The following RBM38 variants were observed in gnomAD, a reference collection of about 807,000 sequenced individuals.
RBM38 encodes the protein RNA-binding protein 38.
RBM38 carries 11 observed loss-of-function variants against 23.5 expected under a neutral mutation model. That is an observed-to-expected ratio of 0.47 (90% CI 0.29 to 0.77). The LOEUF (loss-of-function observed/expected upper bound fraction) is 0.77, where lower values mean the gene tolerates loss of function less well. Among genes scored for constraint, RBM38 ranks in the 30% least tolerant of loss-of-function variants. The probability of loss-of-function intolerance (pLI) is 0.08; values close to 1 mark genes in which losing one functional copy is unlikely to be tolerated. For missense variants in RBM38, 330 were observed against 351.9 expected, an observed-to-expected ratio of 0.94 and a Z score of 0.50; for synonymous variants, 165 against 166.1, an observed-to-expected ratio of 0.99 and a Z score of 0.05.
chr20:57,398,771 G>A (rs2067300098), intron 3 of RBM38, among the ~76,000 whole-genome samples: 1 of 152,236 alleles, frequency 6.6e-6, no homozygotes, highest in Non-Finnish European at 1.5e-5. Context: ...TTGGGCCAAG[G>A]GGCACAGCTT....
In RBM38 at chr20:57,408,673, G is replaced by T. The variant is rs376053436; in HGVS notation, c.*827G>T. On this transcript the variant is annotated 3_prime_UTR_variant, in exon 4 of 4. Coordinates refer to ENST00000356208, the MANE Select transcript of RBM38 (RefSeq NM_017495.6). ...TGTATAATAAAGTGTCTGCCGGCTC[G>T]CGGGCCAGGATCCTCTCGGTGGGAT... 2 of 151,942 alleles carry T rather than the reference G, an allele frequency of 1.3e-5. No homozygotes were observed. The highest frequency in any genetic ancestry group is 3.9e-4 in the East Asian group (2 of 5,124). The allele number at this position is 151,942 out of a possible 1,614,324, so 9.4% of individuals were successfully genotyped here.
At chr20:57,398,247 GGCGTGTGT>G (rs1246778323) in intron 3 of RBM38, among the ~76,000 whole-genome samples, 3 of 130,328 alleles carry the variant, frequency 2.3e-5, no homozygotes, top group Non-Finnish European at 4.6e-5. Flanking sequence ...TGCAGGTGAT[GGCGTGTGT>G]GTGTGTGTGT....
rs539662744 is a variant in RBM38, at chr20:57,393,442, T to C, written c.416+109T>C. On this transcript the variant is annotated intron_variant, in intron 3 of 3. Transcript: ENST00000356208. ...GGGGAAATGACAGTTTTCAGACATT[T>C]GATTGCGTTTAAGCCAAGGGAGTGA... is the stretch of plus-strand genomic sequence containing the variant. 1.2e-5 allele frequency: 15 copies of C among 1,223,376 alleles called. No homozygotes were observed. The Admixed American group carries it at 2.2e-4, about 18-fold the overall frequency. The allele number at this position is 1,223,376 out of a possible 1,614,324, so 75.8% of individuals were successfully genotyped here. A position where few individuals can be genotyped will look rare whatever the true frequency, so the allele number is the denominator to read the frequency against.
intron 3 of RBM38, among the ~76,000 whole-genome samples, chr20:57,395,231 G>T (rs1241656457): frequency 2.0e-5 from 3 of 152,156 alleles, no homozygotes; most frequent in African/African-American, 4.8e-5. Context: ...GGGCCTGGGG[G>T]CGGGTGGCAG....
chr20:57,407,156 T>C lies in RBM38; in HGVS notation c.417-387T>C, dbSNP rs2067393907. 6.6e-6 allele frequency among the ~76,000 whole-genome samples: 1 copy of C among 152,110 alleles called. No homozygotes were observed. Among genetic ancestry groups the C allele is most frequent in the South Asian group, 2.1e-4 (1 of 4,826 alleles). ...GCCTCCCAGACATGCAACCAGGACA[T>C]TCGTACCGGGCCCTGCTCTTGATCG... On this transcript the variant is annotated intron_variant, in intron 3 of 3. Transcript: ENST00000356208. This position sits in a 1 kb window ranked among gnomAD's most constrained non-coding sequence, Gnocchi z 4.0.
chr20:57,400,441 G>T (rs1444114975), intron 3 of RBM38, among the ~76,000 whole-genome samples: 1 of 152,174 alleles, frequency 6.6e-6, no homozygotes, highest in Non-Finnish European at 1.5e-5. Flanking sequence ...CAACCCTCCC[G>T]GCATGGCCTG....
chr20:57,391,910 C>A, intron 1 of RBM38, 92 bp downstream of exon 1: 1 of 899,426 alleles, frequency 1.1e-6, no homozygotes, highest in Admixed American at 4.6e-5. Context: ...GCCCAGACGG[C>A]CCGCTGCCGC....
chr20:57,399,145 G>A (rs1244808958), intron 3 of RBM38, among the ~76,000 whole-genome samples: 2 of 152,224 alleles, frequency 1.3e-5, no homozygotes, highest in Non-Finnish European at 2.9e-5. Flanking sequence ...GAGGGGAAGG[G>A]AGCAGCCGGG....
intron 3 of RBM38, among the ~76,000 whole-genome samples, chr20:57,406,216 T>G (rs1427821475): frequency 1.3e-5 from 2 of 152,166 alleles, no homozygotes; most frequent in Admixed American, 1.3e-4. Context: ...CTTAGCGGCT[T>G]GCCCCAGGCC....
At position 57,407,601 on chromosome 20, in the gene RBM38, G is replaced by A. The variant is rs973899305; in HGVS notation, c.475G>A (p.Ala159Thr). The change falls in exon 4 of 4, where the codon GCC becomes ACC. Residue 159 changes from alanine to threonine, a missense_variant. Around this residue, in one of 3 missense-constraint regions of RBM38, gnomAD observed 227 missense variants for 216.4 expected, o/e 1.05. Coordinates refer to ENST00000356208, the MANE Select transcript of RBM38 (RefSeq NM_017495.6). The surrounding 1 kb of genome is among the most constrained non-coding windows in gnomAD (Gnocchi z 4.0). ...CGTGCAGCCCAGCGTGGTGATCCCA[G>A]CCGCCCCTGTCCCGTCGCTGTCCTC... ...AIVQPSVVIP[A>T]APVPSLSSPY... The A allele has an allele frequency of 1.9e-6, 3 of 1,613,624 alleles. No individual in the cohort carries two copies. The African/African-American group carries it at 4.0e-5, about 22-fold the overall frequency.
At position 57,393,353 on chromosome 20, in the gene RBM38, T is replaced by C. The variant is rs565579544; in HGVS notation, c.416+20T>C. Reference sequence around the variant, plus strand: ...TTACGGGTGAGTGGACATGGCTGGCTTGGGGTGGGTAGTCCGTGGAGATGA... The same window carrying C: ...TTACGGGTGAGTGGACATGGCTGGCCTGGGGTGGGTAGTCCGTGGAGATGA... On this transcript the variant is annotated intron_variant, in intron 3 of 3. Transcript: ENST00000356208. 3 of 1,613,008 alleles carry C rather than the reference T, an allele frequency of 1.9e-6. No homozygotes were observed. In the South Asian group the frequency reaches 3.3e-5, roughly 18 times the overall value.
intron 3 of RBM38, among the ~76,000 whole-genome samples, chr20:57,403,661 G>A (rs574309284): frequency 5.3e-5 from 8 of 151,844 alleles, no homozygotes; most frequent in South Asian, 2.1e-4. Context: ...TTGCTCTTTC[G>A]CCCAGGCTGG....
chr20:57,396,985 C>T (rs930495543), intron 3 of RBM38, among the ~76,000 whole-genome samples: 6 of 152,234 alleles, frequency 3.9e-5, no homozygotes, highest in Admixed American at 1.3e-4. Flanking sequence ...TGACAGGACA[C>T]GGCCACCACA....
intron 3 of RBM38, among the ~76,000 whole-genome samples, chr20:57,398,966 C>T (rs567456981): frequency 1.3e-5 from 2 of 152,342 alleles, no homozygotes; most frequent in African/African-American, 2.4e-5. Context: ...ACTGGGTCAG[C>T]TTGTCTGACA....
In RBM38 at chr20:57,392,325, C is replaced by T. The variant is rs1488126844; in HGVS notation, c.238-329C>T. ...ACTCCTTCTCAGAGGAAAGTCTCGG[C>T]CCTCACTGGTGGGCAAGTCCAGGCG... On this transcript the variant is annotated intron_variant, in intron 1 of 3. Coordinates refer to ENST00000356208, the MANE Select transcript of RBM38 (RefSeq NM_017495.6). 6.9e-6 allele frequency: 7 copies of T among 1,009,504 alleles called. No homozygotes were observed. In the Admixed American group the frequency reaches 1.1e-4, roughly 16 times the overall value. The allele number at this position is 1,009,504 out of a possible 1,614,324, so 62.5% of individuals were successfully genotyped here. A position where few individuals can be genotyped will look rare whatever the true frequency, so the allele number is the denominator to read the frequency against.
intron 2 of RBM38, 81 bp downstream of exon 2, chr20:57,392,858 C>G (rs758849112): frequency 1.3e-6 from 2 of 1,541,550 alleles, no homozygotes; most frequent in Non-Finnish European, 1.8e-6. Flanking sequence ...AAGAGGCCCC[C>G]CCTCCTCGCC....
intron 3 of RBM38, among the ~76,000 whole-genome samples, chr20:57,395,834 G>A (rs1386038060): frequency 1.3e-5 from 2 of 152,210 alleles, no homozygotes; most frequent in Non-Finnish European, 2.9e-5. Context: ...TCAGGCCCCG[G>A]GAGCACAGCC....
intron 3 of RBM38, among the ~76,000 whole-genome samples, chr20:57,393,729 C>T (rs1330773347): frequency 6.6e-6 from 1 of 152,188 alleles, no homozygotes; most frequent in African/African-American, 2.4e-5. Flanking sequence ...TGAGTTCTTC[C>T]CCAGGCACTC....
intron 3 of RBM38, among the ~76,000 whole-genome samples, chr20:57,403,029 T>C (rs2067344971): frequency 6.6e-6 from 1 of 152,134 alleles, no homozygotes; most frequent in Admixed American, 6.5e-5. Context: ...ACCCTGAGCA[T>C]TGTAGGAAGC....
Sources: gnomAD v4.1 joint callset for allele counts (sites outside exome capture counted in the v4.1 genomes callset) on GRCh38, gnomAD v4.1.1 for gene constraint, gnomAD v4.1.1 regional missense constraint, Gnocchi (gnomAD v3.1) non-coding constraint, MANE v1.5 for transcripts, NCBI Gene and HGNC (gene_info 2026-07-23, HGNC 2026-07-21) for gene names.